Variants in TNR observed in about 807,000 individuals in gnomAD.
The protein encoded by TNR is tenascin R.
Under a neutral mutation model 150.4 loss-of-function variants are expected in TNR, and 45 were observed. The observed-to-expected ratio is 0.30, with a 90% CI of 0.24 to 0.38. TNR has a LOEUF of 0.38. Ranked by LOEUF, TNR falls within the 10% of genes least tolerant of loss-of-function variation. TNR has a pLI of 1.00. For missense variants in TNR, 1,544 were observed against 1,759.1 expected (o/e 0.88, Z 2.19); for synonymous variants, 687 against 678.4 (o/e 1.01, Z -0.20).
rs115918614 is a variant in TNR at position 175,471,093 on chromosome 1, C to T, written c.-64+57176G>A. Among the ~76,000 whole-genome samples, 765 of 152,250 alleles carry T rather than the reference C, an allele frequency of 5.0e-3. 6 individuals carry two copies. The highest frequency in any genetic ancestry group is 0.017 in the African/African-American group (715 of 41,540). The stretch of plus-strand genomic sequence containing the variant: ...TGTTTGACACATCTGAGTTAGTCAG[C>T]GAAGAGAGAAGGGCAATAAATACAC... On this transcript the variant is annotated intron_variant, in intron 2 of 22. Transcript: ENST00000367674.
intron 20 of TNR, among the ~76,000 whole-genome samples, chr1:175,331,976 C>CT (rs1454555277): frequency 6.6e-6 from 1 of 152,222 alleles, no homozygotes; most frequent in Non-Finnish European, 1.5e-5. Context: ...TTGCTGTTGA[C>CT]TGAGTTGCTG....
intron 1 of TNR, among the ~76,000 whole-genome samples, chr1:175,724,914 C>T (rs1322377705): frequency 6.6e-6 from 1 of 152,036 alleles, no homozygotes; most frequent in Non-Finnish European, 1.5e-5. Flanking sequence ...GAACATAGAG[C>T]AGACCCTAGG....
Position 175,406,230 on chromosome 1 carries a change from T to C in TNR, c.485A>G (p.Glu162Gly), listed in dbSNP as rs747722246. The change falls in exon 3 of 23, where the codon GAA becomes GGA. Residue 162 changes from glutamate to glycine, a missense_variant. This residue lies in a region of TNR where 1,254 missense variants were observed against 1,329.4 expected (regional missense o/e 0.94). Transcript: ENST00000367674. ...CCGGACTCTACCTGTGGCAGCACTT[T>C]CTTGGCAGCAGTTGGCGTTGCACTG... Reference protein sequence around the residue: ...RDQCNANCCQESAATGQLDYI... With the variant: ...RDQCNANCCQGSAATGQLDYI... 3 of 1,613,856 alleles carry C rather than the reference T, an allele frequency of 1.9e-6. No homozygotes were observed. The highest frequency in any genetic ancestry group is 2.2e-5 in the South Asian group (2 of 91,050).
intron 1 of TNR, among the ~76,000 whole-genome samples, chr1:175,713,767 A>G (rs1193705713): frequency 6.6e-6 from 1 of 152,210 alleles, no homozygotes; most frequent in Non-Finnish European, 1.5e-5. Context: ...AGTGACCTGC[A>G]TGAGAGAAGG....
rs536247527 is a variant in TNR at position 175,433,375 on chromosome 1, G to T, written c.-63-26598C>A. Among the ~76,000 whole-genome samples, 5 of 152,224 alleles carry T rather than the reference G, an allele frequency of 3.3e-5. No homozygotes were observed. In the East Asian group the frequency reaches 9.7e-4, roughly 29 times the overall value. On this transcript the variant is annotated intron_variant, in intron 2 of 22. Coordinates refer to ENST00000367674, the MANE Select transcript of TNR (RefSeq NM_003285.3). Reference sequence around the variant, plus strand: ...ATCAAGGAGTACTTGATGCTTTGAGGGTGACCTGGGCACCATCATGTTAGA... The same window carrying T: ...ATCAAGGAGTACTTGATGCTTTGAGTGTGACCTGGGCACCATCATGTTAGA...
chr1:175,599,843 G>A lies in TNR; in HGVS notation c.-164-71474C>T, dbSNP rs915349359. Among the ~76,000 whole-genome samples, 1 of 152,170 alleles carries A rather than the reference G, an allele frequency of 6.6e-6. No individual in the cohort carries two copies. Among genetic ancestry groups the A allele is most frequent in the East Asian group, 1.9e-4 (1 of 5,196 alleles). On this transcript the variant is annotated intron_variant, in intron 1 of 22. Coordinates refer to ENST00000367674, the MANE Select transcript of TNR (RefSeq NM_003285.3). The surrounding 1 kb of genome is among the most constrained non-coding windows in gnomAD (Gnocchi z 4.7). ...CCCAGATAGCAAGGAGGGGTGATTC[G>A]GATTCAACTCTTGCTGCAACTCGGG...
At chr1:175,523,964 C>T (rs965469335) in intron 2 of TNR, among the ~76,000 whole-genome samples, 1 of 152,126 alleles carries the variant, frequency 6.6e-6, no homozygotes, top group African/African-American at 2.4e-5. Flanking sequence ...ATGACCTTGC[C>T]CATGCTGCTC....
intron 1 of TNR, among the ~76,000 whole-genome samples, chr1:175,547,981 A>C (rs1311186710): frequency 6.6e-6 from 1 of 152,232 alleles, no homozygotes; most frequent in African/African-American, 2.4e-5. Flanking sequence ...GGGTTGTAGA[A>C]AGCTGAAGGT....
chr1:175,422,319 T>C (rs918931751), intron 2 of TNR, among the ~76,000 whole-genome samples: 1 of 149,076 alleles, frequency 6.7e-6, no homozygotes, highest in Non-Finnish European at 1.5e-5. Flanking sequence ...AATCTAGTTA[T>C]CTTTTATCGC....
intron 1 of TNR, among the ~76,000 whole-genome samples, chr1:175,659,650 T>C (rs1370989152): frequency 1.3e-5 from 2 of 152,188 alleles, no homozygotes; most frequent in African/African-American, 4.8e-5. Flanking sequence ...GCACTGCTTC[T>C]TCAGTCTCCC....
intron 1 of TNR, among the ~76,000 whole-genome samples, chr1:175,545,104 G>T (rs1660635684): frequency 6.6e-6 from 1 of 152,198 alleles, no homozygotes. Flanking sequence ...AAGCCACTGA[G>T]ATTTGGGGAT....
chr1:175,739,671 C>T (rs1414863535), intron 1 of TNR, among the ~76,000 whole-genome samples: 1 of 152,166 alleles, frequency 6.6e-6, no homozygotes, highest in African/African-American at 2.4e-5. Flanking sequence ...TATGTTGGTA[C>T]ATGGGTCTCT....
chr1:175,682,893 C>T (rs1666080246), intron 1 of TNR, among the ~76,000 whole-genome samples: 2 of 152,192 alleles, frequency 1.3e-5, no homozygotes, highest in African/African-American at 2.4e-5. Context: ...AGCCTAAGAT[C>T]TTACTCCTGC....
intron 22 of TNR, among the ~76,000 whole-genome samples, chr1:175,323,816 G>T (rs1030046030): frequency 2.0e-5 from 3 of 152,208 alleles, no homozygotes; most frequent in African/African-American, 7.2e-5. Flanking sequence ...AACTGTGTTT[G>T]ACTGCTCACT....
At chr1:175,480,002 C>T (rs949369893) in intron 2 of TNR, among the ~76,000 whole-genome samples, 6 of 151,994 alleles carry the variant, frequency 3.9e-5, no homozygotes, top group African/African-American at 1.4e-4. Context: ...GGTGGTGATA[C>T]CAGCCAAGTA....
At chr1:175,663,248 T>C (rs1187039213) in intron 1 of TNR, among the ~76,000 whole-genome samples, 1 of 152,032 alleles carries the variant, frequency 6.6e-6, no homozygotes, top group East Asian at 1.9e-4. Context: ...TGCCCTCTCT[T>C]TTTCCCCTCA....
At chr1:175,331,087 T>TTTTCTTTCTTTCTC (rs1649841166) in intron 20 of TNR, among the ~76,000 whole-genome samples, 1 of 113,412 alleles carries the variant, frequency 8.8e-6, no homozygotes, top group African/African-American at 3.3e-5. Context: ...CCTTCTTTCT[T>TTTTCTTTCTTTCTC]TCTTTCTTTC....
rs1557867679 is a variant in TNR at position 175,331,054 on chromosome 1, T to TTTCTTTCTTTCCTTC, written c.3632-820_3632-819insGAAGGAAAGAAAGAA. Among the ~76,000 whole-genome samples the TTTCTTTCTTTCCTTC allele has an allele frequency of 1.7e-4, 18 of 105,786 alleles. 2 individuals carry two copies. In the East Asian group the frequency reaches 3.0e-3, roughly 18 times the overall value. 69.4% of individuals were successfully genotyped at this position (105,786 alleles called of 152,430 possible). A position where few individuals can be genotyped will look rare whatever the true frequency, so the allele number is the denominator to read the frequency against. ...CTTTCTTTCTTTCTTTCTTTCTTTC[T>TTTCTTTCTTTCCTTC]TTCTTTCTTTCTTTCTTTCTTTCCT... On this transcript the variant is annotated intron_variant, in intron 20 of 22. Transcript: ENST00000367674.
intron 9 of TNR, among the ~76,000 whole-genome samples, chr1:175,374,020 A>AAG (rs1652249085): frequency 1.3e-5 from 2 of 152,184 alleles, no homozygotes; most frequent in South Asian, 2.1e-4. Flanking sequence ...AAGGAGGCTG[A>AAG]GCACTGTCTG....
Sources: gnomAD v4.1 joint callset for allele counts (sites outside exome capture counted in the v4.1 genomes callset) on GRCh38, gnomAD v4.1.1 for gene constraint, gnomAD v4.1.1 regional missense constraint, Gnocchi (gnomAD v3.1) non-coding constraint, MANE v1.5 for transcripts, NCBI Gene and HGNC (gene_info 2026-07-23, HGNC 2026-07-21) for gene names.